The following ACD variants were observed in gnomAD, a reference collection of about 807,000 sequenced individuals.
The protein encoded by ACD is ACD shelterin complex subunit and telomerase recruitment factor, also known as adrenocortical dysplasia protein homolog.
A neutral mutation model predicts 53.9 loss-of-function variants in ACD; 39 were observed. That is an observed-to-expected ratio of 0.72 (90% CI 0.56 to 0.95). The LOEUF (loss-of-function observed/expected upper bound fraction) is 0.95, where lower values mean the gene tolerates loss of function less well. ACD is among the 40% of genes least tolerant of loss of function. The pLI, the probability that ACD is intolerant of heterozygous loss-of-function variation, is 0.00. For synonymous variants in ACD, 273 were observed against 249.2 expected, an observed-to-expected ratio of 1.10 and a Z score of -0.90; for missense variants, 526 against 587.9, an observed-to-expected ratio of 0.89 and a Z score of 1.09.
rs1487523210 is a variant in ACD at position 67,657,895 on chromosome 16, C to T, written c.1207-42G>A. 2 of 1,613,280 alleles carry T rather than the reference C, an allele frequency of 1.2e-6. No individual in the cohort carries two copies. Among genetic ancestry groups the T allele is most frequent in the South Asian group, 1.1e-5 (1 of 91,062 alleles). On this transcript the variant is annotated intron_variant, in intron 10 of 11. Coordinates refer to ENST00000620761, the MANE Select transcript of ACD (RefSeq NM_001082486.2). The surrounding 1 kb of genome is among the most constrained non-coding windows in gnomAD (Gnocchi z 4.5). ...GTCTGGGGAAGAGCTAACAAGGACC[C>T]CAACCCCATCCAAGGCTACCCATGC...
In ACD at chr16:67,658,964, AG is replaced by A; in HGVS notation, c.608del (p.Pro203LeufsTer33). 1 of 1,613,770 alleles carries A rather than the reference AG, an allele frequency of 6.2e-7. No individual in the cohort carries two copies. The highest frequency in any genetic ancestry group is 8.5e-7 in the Non-Finnish European group (1 of 1,179,890). ...LTLEGPCTAP[P>X]VTHWAASRCK... The stretch of plus-strand genomic sequence containing the variant: ...ATCGTGAGGCAGCCCAGTGGGTGAC[AG>A]GGGGTGCTGTGCAAGGGCCCTCCAG... On this transcript the variant is annotated frameshift_variant, in exon 7 of 12. Coordinates refer to ENST00000620761, the MANE Select transcript of ACD (RefSeq NM_001082486.2). LOFTEE classifies it high-confidence loss of function.
intron 4 of ACD, 32 bp downstream of exon 4, chr16:67,659,505 G>A (rs2052955817): frequency 6.2e-7 from 1 of 1,613,562 alleles, no homozygotes. Flanking sequence ...CTGGGGTGGG[G>A]AGAGCTGCTG....
Position 67,658,100 on chromosome 16 carries a change from C to T in ACD, c.1092G>A (p.Arg364=), listed in dbSNP as rs1308671888. ...VPSPHQALVT[R]PQKPSLEFKE... ...TGAACTCCAGGCTAGGTTTCTGGGG[C>T]CTGGTCACAAGAGCCTGGTGTGGAC... The change falls in exon 10 of 12, where the codon AGG becomes AGA. Residue 364 remains arginine (R), a synonymous_variant. Transcript: ENST00000620761. 1 of 1,576,630 alleles carries T rather than the reference C, an allele frequency of 6.3e-7. No individual in the cohort carries two copies. Among genetic ancestry groups the T allele is most frequent in the East Asian group, 2.2e-5 (1 of 44,622 alleles).
Position 67,659,360 on chromosome 16 carries a change from CA to C in ACD, c.458+14del. On this transcript the variant is annotated intron_variant, in intron 5 of 11. Transcript: ENST00000620761. ...CCAAACAACACGTGGCCCCCGAGCCCAACCCCAGACTCACTCAAGGCAGTCA... is the reference window on the plus strand; with the variant it reads ...CCAAACAACACGTGGCCCCCGAGCCCACCCCAGACTCACTCAAGGCAGTCA... The C allele has an allele frequency of 6.2e-7, 1 of 1,614,070 alleles. No homozygotes were observed. Among genetic ancestry groups the C allele is most frequent in the Non-Finnish European group, 8.5e-7 (1 of 1,180,012 alleles).
At position 67,659,956 on chromosome 16, in the gene ACD, C is replaced by G. The variant is rs745595083; in HGVS notation, c.189G>C (p.Gly63=). 3 of 1,608,634 alleles carry G rather than the reference C, an allele frequency of 1.9e-6. No individual in the cohort carries two copies. Among genetic ancestry groups the G allele is most frequent in the Non-Finnish European group, 2.5e-6 (3 of 1,179,010 alleles). Residue 63 remains glycine, a synonymous_variant, in exon 2 of 12, where the codon GGG becomes GGC. Transcript: ENST00000620761. ...DVGATLLVSD[G]THSVRCLVTR... is the part of the protein sequence containing the mutation. ...TCACCAGGCATCGGACACTGTGGGT[C>G]CCGTCAGACACAAGCAGCGTGGCCC...
intron 9 of ACD, 69 bp downstream of exon 9, chr16:67,658,486 C>A (rs1370844838): frequency 1.9e-6 from 3 of 1,580,302 alleles, no homozygotes; most frequent in Non-Finnish European, 2.6e-6. Context: ...CCTTTCACAG[C>A]ATCCTGCGCA....
At chr16:67,658,671 T>C in intron 8 of ACD, 30 bp from the exon 9 acceptor site, 1 of 1,591,238 alleles carries the variant, frequency 6.3e-7, no homozygotes, top group Non-Finnish European at 8.6e-7. Flanking sequence ...TTATCAGCAC[T>C]GTGGACCTGG....
rs147116458 is a variant in ACD, at chr16:67,658,040, C to T, written c.1152G>A (p.Pro384=). 73 of 1,546,650 alleles carry T rather than the reference C, an allele frequency of 4.7e-5. No homozygotes were observed. The African/African-American group carries it at 6.0e-4, about 13-fold the overall frequency. The change falls in exon 10 of 12, where the codon CCG becomes CCA. Residue 384 remains proline, a synonymous_variant. Transcript: ENST00000620761. ...TGGTAGCTCCGGTCCTGGGAAAAGG[C>T]GGCCGATTCTTGCAGGGCAACCCTA... ...EFVGLPCKNR[P]PFPRTGATRG... is the part of the protein sequence containing the mutation.
At position 67,658,916 on chromosome 16, in the gene ACD, C is replaced by T; in HGVS notation, c.645+12G>A. On this transcript the variant is annotated intron_variant, in intron 7 of 11. Transcript: ENST00000620761. ...TCACCCTGACATCTCCCAAGCAAAT[C>T]CCCAGACTGACCGTGGCCTTGCATC... 6.2e-7 allele frequency: 1 copy of T among 1,612,896 alleles called. No individual in the cohort carries two copies. The highest frequency in any genetic ancestry group is 8.5e-7 in the Non-Finnish European group (1 of 1,179,282).
Position 67,657,774 on chromosome 16 carries a change from A to C in ACD, c.1286T>G (p.Val429Gly). The C allele has an allele frequency of 6.2e-7, 1 of 1,614,050 alleles. No individual in the cohort carries two copies. Among genetic ancestry groups the C allele is most frequent in the Non-Finnish European group, 8.5e-7 (1 of 1,180,014 alleles). ...EPPCTSLCAR[V>G]QAVRLPPQLM... ...CCCAGGCACTCACCTGACAGCTTGGACCCGAGCACAGAGGGACGTGCAGGG... is the reference window on the plus strand; with the variant it reads ...CCCAGGCACTCACCTGACAGCTTGGCCCCGAGCACAGAGGGACGTGCAGGG... The change falls in exon 11 of 12, where the codon GTC (valine) becomes GGC (glycine). Residue 429 changes from valine (V) to glycine (G), a missense_variant. Transcript: ENST00000620761. The surrounding 1 kb of genome is among the most constrained non-coding windows in gnomAD (Gnocchi z 4.5).
chr16:67,658,113 G>C lies in ACD; in HGVS notation c.1079C>G (p.Ala360Gly). ...PRSHVPSPHQ[A>G]LVTRPQKPSL... ...AGGTTTCTGGGGCCTGGTCACAAGAGCCTGGTGTGGACTGGGGACATGGCT... is the reference window on the plus strand; with the variant it reads ...AGGTTTCTGGGGCCTGGTCACAAGACCCTGGTGTGGACTGGGGACATGGCT... Residue 360 changes from alanine to glycine, a missense_variant, in exon 10 of 12, where the codon GCT (alanine) becomes GGT (glycine). Coordinates refer to ENST00000620761, the MANE Select transcript of ACD (RefSeq NM_001082486.2). 1.3e-6 allele frequency: 2 copies of C among 1,587,706 alleles called. No homozygotes were observed. The highest frequency in any genetic ancestry group is 2.3e-5 in the South Asian group (2 of 87,038).
intron 2 of ACD, 35 bp downstream of exon 2, chr16:67,659,868 G>C: frequency 1.3e-6 from 2 of 1,580,450 alleles, no homozygotes; most frequent in Non-Finnish European, 1.7e-6. Flanking sequence ...TCTCCTGCCG[G>C]ACTCCGACCT....
chr16:67,660,047 T>A lies in ACD; in HGVS notation c.100-2A>T. The A allele has an allele frequency of 6.2e-7, 1 of 1,608,214 alleles. No homozygotes were observed. Among genetic ancestry groups the A allele is most frequent in the Non-Finnish European group, 8.5e-7 (1 of 1,177,790 alleles). ...CGCGGCCTCGGCGTCCTGTAGTACC[T>A]GACGGCGGCGAGCGGCGTCAATCCC... On this transcript the variant is annotated splice_acceptor_variant, in intron 1 of 11. Coordinates refer to ENST00000620761, the MANE Select transcript of ACD (RefSeq NM_001082486.2). LOFTEE classifies it high-confidence loss of function.
rs766347465 is a variant in ACD at position 67,657,583 on chromosome 16, C to T, written c.*23G>A. On this transcript the variant is annotated 3_prime_UTR_variant, in exon 12 of 12. Transcript: ENST00000620761. This position sits in a 1 kb window ranked among gnomAD's most constrained non-coding sequence, Gnocchi z 4.5. ...AACTCAAAGGAAGCAGAGTGTGGAG[C>T]GGTATCTGTCCTGCGTGACGTCTCA... 12 of 1,614,086 alleles carry T rather than the reference C, an allele frequency of 7.4e-6. No individual in the cohort carries two copies. Among genetic ancestry groups the T allele is most frequent in the South Asian group, 1.1e-5 (1 of 91,082 alleles).
rs751398766 is a variant in ACD at position 67,659,363 on chromosome 16, C to T, written c.458+12G>A. ...AACAACACGTGGCCCCCGAGCCCAA[C>T]CCCAGACTCACTCAAGGCAGTCATA... On this transcript the variant is annotated intron_variant, in intron 5 of 11. Transcript: ENST00000620761. The T allele has an allele frequency of 1.2e-6, 2 of 1,613,978 alleles. No individual in the cohort carries two copies. The highest frequency in any genetic ancestry group is 3.3e-5 in the Admixed American group (2 of 60,004).
intron 5 of ACD, 24 bp downstream of exon 5, chr16:67,659,351 C>T: frequency 1.9e-6 from 3 of 1,614,102 alleles, no homozygotes; most frequent in Non-Finnish European, 2.5e-6. Flanking sequence ...AACACGTGGC[C>T]CCCGAGCCCA....
In ACD at chr16:67,660,103, G is replaced by T; in HGVS notation, c.99+19C>A. ...CCCGGGCCTCCGCCTCGGTCTCCGG[G>T]CCCTGAATGGGGGCTCACCTCAAGC... On this transcript the variant is annotated intron_variant, in intron 1 of 11. Coordinates refer to ENST00000620761, the MANE Select transcript of ACD (RefSeq NM_001082486.2). The T allele has an allele frequency of 6.2e-7, 1 of 1,612,232 alleles. No individual in the cohort carries two copies. The highest frequency in any genetic ancestry group is 8.5e-7 in the Non-Finnish European group (1 of 1,179,746).
chr16:67,657,584 G>A lies in ACD; in HGVS notation c.*22C>T, dbSNP rs577742036. On this transcript the variant is annotated 3_prime_UTR_variant, in exon 12 of 12. Coordinates refer to ENST00000620761, the MANE Select transcript of ACD (RefSeq NM_001082486.2). The surrounding 1 kb of genome is among the most constrained non-coding windows in gnomAD (Gnocchi z 4.5). ...ACTCAAAGGAAGCAGAGTGTGGAGCGGTATCTGTCCTGCGTGACGTCTCAC... is the reference window on the plus strand; with the variant it reads ...ACTCAAAGGAAGCAGAGTGTGGAGCAGTATCTGTCCTGCGTGACGTCTCAC... 13 of 1,614,088 alleles carry A rather than the reference G, an allele frequency of 8.1e-6. No homozygotes were observed. The highest frequency in any genetic ancestry group is 4.0e-5 in the African/African-American group (3 of 75,046).
Position 67,659,025 on chromosome 16 carries a change from C to A in ACD, c.548G>T (p.Gly183Val). The A allele has an allele frequency of 6.2e-7, 1 of 1,613,902 alleles. No individual in the cohort carries two copies. Among genetic ancestry groups the A allele is most frequent in the Non-Finnish European group, 8.5e-7 (1 of 1,179,998 alleles). ...DEMREDQEHQGALVCLAESCL... is the reference protein window; with the variant it reads ...DEMREDQEHQVALVCLAESCL... ...GCTTTCAGCCAGGCACACGAGTGCC[C>A]CCTGATGCTCCTGGTCCTCCCGCAT... The change falls in exon 7 of 12, where the codon GGG becomes GTG. Residue 183 changes from glycine (G) to valine (V), a missense_variant. By Grantham distance (109) the Gly-to-Val change is moderately radical. Coordinates refer to ENST00000620761, the MANE Select transcript of ACD (RefSeq NM_001082486.2).
Sources: gnomAD v4.1 joint callset for allele counts on GRCh38, gnomAD v4.1.1 for gene constraint, Gnocchi (gnomAD v3.1) non-coding constraint, MANE v1.5 for transcripts, NCBI Gene and HGNC (gene_info 2026-07-23, HGNC 2026-07-21) for gene names.